FAM167A: variants seen among roughly 807,000 people sequenced by gnomAD.
FAM167A encodes protein FAM167A.
A neutral mutation model predicts 14.9 loss-of-function variants in FAM167A; 23 were observed. The ratio of observed to expected loss-of-function variants is 1.55; its 90% CI spans 1.11 to 2.19. The LOEUF (loss-of-function observed/expected upper bound fraction) is 2.19, where lower values mean the gene tolerates loss of function less well. Among genes scored for constraint, FAM167A ranks in the 30% most tolerant of loss-of-function variants. The probability of loss-of-function intolerance (pLI) is 0.00; values close to 1 mark genes in which losing one functional copy is unlikely to be tolerated. For synonymous variants in FAM167A, 174 were observed against 117.7 expected (o/e 1.48, Z -3.10); for missense variants, 401 against 281.5 (o/e 1.42, Z -3.04).
intron 2 of FAM167A, among the ~76,000 whole-genome samples, chr8:11,432,080 G>A (rs764173446): frequency 6.6e-6 from 1 of 151,940 alleles, no homozygotes; most frequent in African/African-American, 2.4e-5. Flanking sequence ...ACATCCCCTG[G>A]CTGATCTGTG....
At chr8:11,427,039 C>G (rs984126541) in intron 2 of FAM167A, among the ~76,000 whole-genome samples, 1 of 152,164 alleles carries the variant, frequency 6.6e-6, no homozygotes, top group African/African-American at 2.4e-5. Context: ...CACGGAAGTT[C>G]TTTGTGGGCC....
chr8:11,451,473 T>C (rs1359525776), intron 1 of FAM167A, among the ~76,000 whole-genome samples: 1 of 152,244 alleles, frequency 6.6e-6, no homozygotes, highest in Non-Finnish European at 1.5e-5. Context: ...AGTGGATGCT[T>C]GCTGCTATTT....
At chr8:11,471,696 CCCT>C (rs757700681), upstream of FAM167A, among the ~76,000 whole-genome samples, 3 of 152,192 alleles carry the variant, frequency 2.0e-5, no homozygotes, top group Non-Finnish European at 4.4e-5. Flanking sequence ...GAGAACCCTG[CCCT>C]GCGCTTTCTC....
At chr8:11,457,846 T>C (rs1272225438) in intron 1 of FAM167A, among the ~76,000 whole-genome samples, 1 of 152,194 alleles carries the variant, frequency 6.6e-6, no homozygotes, top group Non-Finnish European at 1.5e-5. Context: ...TCACTTGCTT[T>C]CCTCATGCTG....
At chr8:11,436,766 G>A (rs935458304) in intron 2 of FAM167A, among the ~76,000 whole-genome samples, 18 of 152,196 alleles carry the variant, frequency 1.2e-4, no homozygotes, top group African/African-American at 4.1e-4. Context: ...GGATTTCTGG[G>A]CTTTTCTTGG....
At chr8:11,426,873 C>G (rs1486132341) in intron 2 of FAM167A, among the ~76,000 whole-genome samples, 1 of 152,144 alleles carries the variant, frequency 6.6e-6, no homozygotes, top group Admixed American at 6.5e-5. Context: ...AAACACAAGG[C>G]ACGTGAAGCA....
At chr8:11,447,269 C>G (rs946498342) in intron 1 of FAM167A, among the ~76,000 whole-genome samples, 1 of 151,954 alleles carries the variant, frequency 6.6e-6, no homozygotes, top group Non-Finnish European at 1.5e-5. Context: ...GCCACCTCCA[C>G]CTCTTGGGTT....
At chr8:11,463,197 G>A (rs1040791158) in intron 1 of FAM167A, among the ~76,000 whole-genome samples, 1 of 152,232 alleles carries the variant, frequency 6.6e-6, no homozygotes, top group African/African-American at 2.4e-5. Context: ...TTCAGTGGCT[G>A]CTATCAAACA....
At chr8:11,432,782 T>C (rs1182573014) in intron 2 of FAM167A, among the ~76,000 whole-genome samples, 2 of 152,232 alleles carry the variant, frequency 1.3e-5, no homozygotes, top group African/African-American at 2.4e-5. Flanking sequence ...ATTGTGGCAC[T>C]ATTCACAATA....
chr8:11,427,432 C>G (rs927245965), intron 2 of FAM167A, among the ~76,000 whole-genome samples: 2 of 152,228 alleles, frequency 1.3e-5, no homozygotes, highest in Non-Finnish European at 2.9e-5. Flanking sequence ...ACTATTTCCT[C>G]TGTCTCCACT....
chr8:11,454,348 C>T (rs1807146328), intron 1 of FAM167A, among the ~76,000 whole-genome samples: 1 of 152,226 alleles, frequency 6.6e-6, no homozygotes, highest in Admixed American at 6.5e-5. Context: ...GACAGCATCT[C>T]CTGATTCCTC....
At chr8:11,461,791 T>C (rs1807549844) in intron 1 of FAM167A, among the ~76,000 whole-genome samples, 4 of 152,230 alleles carry the variant, frequency 2.6e-5, no homozygotes. Context: ...GTCCAGATGA[T>C]CTGATTTCTA....
intron 1 of FAM167A, among the ~76,000 whole-genome samples, chr8:11,463,435 A>C (rs747880534): frequency 8.5e-5 from 13 of 152,208 alleles, no homozygotes; most frequent in Non-Finnish European, 7.4e-5. Flanking sequence ...CACCACCCTA[A>C]GCATGAGCCT....
intron 1 of FAM167A, among the ~76,000 whole-genome samples, chr8:11,457,624 G>T (rs1346453434): frequency 6.6e-6 from 1 of 152,102 alleles, no homozygotes; most frequent in African/African-American, 2.4e-5. Context: ...GCACACAGCG[G>T]GTGCTCAGGA....
intron 1 of FAM167A, among the ~76,000 whole-genome samples, chr8:11,460,942 T>C (rs73663147): frequency 0.014 from 2,082 of 152,330 alleles, 53 homozygotes; most frequent in African/African-American, 0.047. Context: ...TGCTGAATAA[T>C]TGATGGGCTC....
chr8:11,443,956 G>A (rs963375975), intron 2 of FAM167A, 75 bp downstream of exon 2: 1 of 1,518,030 alleles, frequency 6.6e-7, no homozygotes, highest in Non-Finnish European at 8.9e-7. Flanking sequence ...GAGACAGACA[G>A]AGAGAGACAG....
chr8:11,431,253 A>G (rs987168494), intron 2 of FAM167A, among the ~76,000 whole-genome samples: 4 of 152,264 alleles, frequency 2.6e-5, no homozygotes, highest in African/African-American at 9.6e-5. Context: ...ACATGGATGA[A>G]TCTTGAGGAC....
At chr8:11,443,894 G>C (rs1806596806) in intron 2 of FAM167A, 137 bp downstream of exon 2, 4 of 1,122,408 alleles carry the variant, frequency 3.6e-6, no homozygotes, top group Non-Finnish European at 3.8e-6. Context: ...GAAGATTACA[G>C]ATGTGCACTT....
intron 2 of FAM167A, chr8:11,435,130 A>T (rs1585242336): frequency 2.2e-6 from 1 of 456,034 alleles, no homozygotes. Context: ...TGTTCCCTTG[A>T]CCTCTCCAGC....
Sources: gnomAD v4.1 joint callset for allele counts (sites outside exome capture counted in the v4.1 genomes callset) on GRCh38, gnomAD v4.1.1 for gene constraint, MANE v1.5 for transcripts, NCBI Gene and HGNC (gene_info 2026-07-23, HGNC 2026-07-21) for gene names.